The following CCDC85A variants were observed in gnomAD, a reference collection of about 807,000 sequenced individuals.
CCDC85A encodes coiled-coil domain containing 85A.
In CCDC85A, 38 loss-of-function variants were observed where a neutral mutation model predicts 50.2. The ratio of observed to expected loss-of-function variants is 0.76; its 90% CI spans 0.58 to 0.99. The LOEUF (loss-of-function observed/expected upper bound fraction) is 0.99. Among genes scored for constraint, CCDC85A ranks in the 50% least tolerant of loss-of-function variants. The probability of loss-of-function intolerance (pLI) is 0.00; values close to 1 mark genes in which losing one functional copy is unlikely to be tolerated. For synonymous variants in CCDC85A, 366 were observed against 301.4 expected (o/e 1.21, Z -2.22); for missense variants, 820 against 742.0 (o/e 1.11, Z -1.22).
intron 2 of CCDC85A, among the ~76,000 whole-genome samples, chr2:56,317,010 T>C (rs1038584226): frequency 6.6e-5 from 10 of 152,260 alleles, no homozygotes; most frequent in African/African-American, 2.4e-4. Context: ...AAGTGGACTT[T>C]CTATTCAGAC....
intron 2 of CCDC85A, among the ~76,000 whole-genome samples, chr2:56,266,466 A>G (rs1211639134): frequency 6.6e-6 from 1 of 152,088 alleles, no homozygotes; most frequent in Non-Finnish European, 1.5e-5. Context: ...GATAAGTATC[A>G]GAGGTGATTG....
intron 2 of CCDC85A, among the ~76,000 whole-genome samples, chr2:56,335,626 T>C (rs544747958): frequency 1.3e-5 from 2 of 149,326 alleles, no homozygotes; most frequent in Admixed American, 1.3e-4. Context: ...TTTTGAGAAG[T>C]AGTCTTGCCC....
At chr2:56,321,521 A>C (rs1673184377) in intron 2 of CCDC85A, among the ~76,000 whole-genome samples, 1 of 152,212 alleles carries the variant, frequency 6.6e-6, no homozygotes, top group Non-Finnish European at 1.5e-5. Flanking sequence ...GAGCCAAATC[A>C]TGAGGGAACT....
rs1263389543 is a variant in CCDC85A at position 56,184,889 on chromosome 2, C to T, written c.265C>T (p.Arg89Cys). 1 of 1,520,526 alleles carries T rather than the reference C, an allele frequency of 6.6e-7. No homozygotes were observed. Among genetic ancestry groups the T allele is most frequent in the Non-Finnish European group, 8.8e-7 (1 of 1,137,856 alleles). 94.2% of individuals were successfully genotyped at this position (1,520,526 alleles called of 1,614,324 possible). Residue 89 changes from arginine to cysteine, a missense_variant, in exon 1 of 6, where the codon CGC becomes TGC. Physicochemically the swap from Arg to Cys is radical, Grantham distance 180. Transcript: ENST00000407595. ...RRLQLHLGEI[R>C]GLKDINQKLQ... ...CCTGCAGCTGCACCTCGGCGAGATCCGCGGCCTCAAGGTGAGCGCGGGCCA... is the reference window on the plus strand; with the variant it reads ...CCTGCAGCTGCACCTCGGCGAGATCTGCGGCCTCAAGGTGAGCGCGGGCCA...
In CCDC85A at chr2:56,193,263, A is replaced by G. The variant is rs1676384356; in HGVS notation, c.1063A>G (p.Arg355Gly). Reference sequence around the variant, plus strand: ...GAGCCTAGAGCATCTCCCCAGAGCCAGGGGCACCAGCCCGGAGCACCTCAA... The same window carrying G: ...GAGCCTAGAGCATCTCCCCAGAGCCGGGGGCACCAGCCCGGAGCACCTCAA... ...GGSLEHLPRA[R>G]GTSPEHLKQH... Residue 355 changes from arginine to glycine, a missense_variant, in exon 2 of 6, where the codon AGG becomes GGG. Physicochemically the swap from Arg to Gly is moderately radical, Grantham distance 125. Transcript: ENST00000407595. 6.2e-7 allele frequency: 1 copy of G among 1,613,944 alleles called. No homozygotes were observed. Among genetic ancestry groups the G allele is most frequent in the African/African-American group, 1.3e-5 (1 of 75,042 alleles).
intron 5 of CCDC85A, among the ~76,000 whole-genome samples, chr2:56,381,345 A>G (rs1221771330): frequency 6.6e-6 from 1 of 152,066 alleles, no homozygotes; most frequent in Non-Finnish European, 1.5e-5. Context: ...CTTCTCATCT[A>G]TTGACTATGG....
intron 3 of CCDC85A, among the ~76,000 whole-genome samples, chr2:56,353,481 T>G (rs1675060229): frequency 6.6e-6 from 1 of 152,262 alleles, no homozygotes; most frequent in African/African-American, 2.4e-5. Context: ...GCTCTGAACA[T>G]TCTGAGACCA....
intron 2 of CCDC85A, among the ~76,000 whole-genome samples, chr2:56,300,327 A>G (rs756198611): frequency 1.3e-5 from 2 of 152,232 alleles, no homozygotes; most frequent in South Asian, 2.1e-4. Context: ...AAGTAAATGA[A>G]CATGGAAAAT....
chr2:56,363,346 G>A (rs138398537), intron 3 of CCDC85A, among the ~76,000 whole-genome samples: 29 of 152,176 alleles, frequency 1.9e-4, no homozygotes, highest in South Asian at 4.2e-4. Flanking sequence ...GGCTACTCTC[G>A]TTTCTGTAAA....
At chr2:56,232,021 G>T (rs1285361714) in intron 2 of CCDC85A, among the ~76,000 whole-genome samples, 3 of 151,948 alleles carry the variant, frequency 2.0e-5, no homozygotes, top group Non-Finnish European at 1.5e-5. Context: ...TTACTCCTCT[G>T]CTTGACTTCT....
intron 3 of CCDC85A, among the ~76,000 whole-genome samples, chr2:56,369,315 A>G (rs1219592529): frequency 1.3e-5 from 2 of 152,142 alleles, no homozygotes; most frequent in African/African-American, 4.8e-5. Flanking sequence ...TCTTTAAATA[A>G]ATAGATGAGA....
In CCDC85A at chr2:56,372,597, G is replaced by A. The variant is rs1344477683; in HGVS notation, c.1452+119G>A. 4 of 1,168,266 alleles carry A rather than the reference G, an allele frequency of 3.4e-6. No individual in the cohort carries two copies. The East Asian group carries it at 1.2e-4, about 35-fold the overall frequency. The allele number at this position is 1,168,266 out of a possible 1,614,324, so 72.4% of individuals were successfully genotyped here. A position where few individuals can be genotyped will look rare whatever the true frequency, so the allele number is the denominator to read the frequency against. ...AAGTTCATACACATGAAAGAAAGTT[G>A]TATGTCTAAGTCTGGGGAGGGAGGA... On this transcript the variant is annotated intron_variant, in intron 4 of 5. Coordinates refer to ENST00000407595, the MANE Select transcript of CCDC85A (RefSeq NM_001080433.2).
intron 2 of CCDC85A, among the ~76,000 whole-genome samples, chr2:56,294,126 T>C (rs948640945): frequency 1.3e-5 from 2 of 152,218 alleles, no homozygotes; most frequent in Non-Finnish European, 2.9e-5. Context: ...AATGAGATCA[T>C]GTCCATTGCA....
In CCDC85A at chr2:56,343,368, G is replaced by A. The variant is rs139908648; in HGVS notation, c.1317+413G>A. On this transcript the variant is annotated intron_variant, in intron 3 of 5. Coordinates refer to ENST00000407595, the MANE Select transcript of CCDC85A (RefSeq NM_001080433.2). ...AAGCTATAGGTAGTTGGAAGGTTTC[G>A]CATTATAATTAAATTAGTACATTCT... Among the ~76,000 whole-genome samples, 168 of 152,274 alleles carry A rather than the reference G, an allele frequency of 1.1e-3. 2 individuals are homozygous for A. The East Asian group carries it at 0.022, about 20-fold the overall frequency.
At chr2:56,194,293 G>T (rs1676442454) in intron 2 of CCDC85A, among the ~76,000 whole-genome samples, 1 of 152,086 alleles carries the variant, frequency 6.6e-6, no homozygotes, top group Admixed American at 6.6e-5. Flanking sequence ...TTTCGAAGAG[G>T]TTTAATTTTC....
chr2:56,363,141 A>T (rs1558659843), intron 3 of CCDC85A, among the ~76,000 whole-genome samples: 1 of 152,216 alleles, frequency 6.6e-6, no homozygotes, highest in East Asian at 1.9e-4. Flanking sequence ...ACAGATAAAC[A>T]TATTTTTAAA....
chr2:56,292,121 C>T (rs916586452), intron 2 of CCDC85A, among the ~76,000 whole-genome samples: 11 of 150,852 alleles, frequency 7.3e-5, no homozygotes, highest in African/African-American at 1.7e-4. Flanking sequence ...CTTGCTCTGT[C>T]GCCCAGGCTG....
rs773407233 is a variant in CCDC85A, at chr2:56,242,462, A to G, written c.1240+49022A>G. ...GGTGAGAATGGAGCAAGAAAGAGAGAAAGTTGATGGGGGAGATGCTCCACA... is the reference window on the plus strand; with the variant it reads ...GGTGAGAATGGAGCAAGAAAGAGAGGAAGTTGATGGGGGAGATGCTCCACA... On this transcript the variant is annotated intron_variant, in intron 2 of 5. Transcript: ENST00000407595. Among the ~76,000 whole-genome samples, 27 of 152,170 alleles carry G rather than the reference A, an allele frequency of 1.8e-4. No individual in the cohort carries two copies. The Middle Eastern group carries it at 0.014, about 77-fold the overall frequency.
In CCDC85A at chr2:56,244,975, C is replaced by T. The variant is rs1490982377; in HGVS notation, c.1240+51535C>T. 3.3e-5 allele frequency among the ~76,000 whole-genome samples: 5 copies of T among 152,150 alleles called. No individual in the cohort carries two copies. The South Asian group carries it at 6.2e-4, about 19-fold the overall frequency. ...AAAGTCCTGTTTACTCTTCCTTCTC[C>T]TCTCCTCAAGCAGAAGGAAGCGGTC... On this transcript the variant is annotated intron_variant, in intron 2 of 5. Coordinates refer to ENST00000407595, the MANE Select transcript of CCDC85A (RefSeq NM_001080433.2).
Sources: allele counts gnomAD v4.1 joint callset (sites outside exome capture counted in the v4.1 genomes callset), GRCh38; gene constraint gnomAD v4.1.1; transcripts MANE v1.5; gene names NCBI Gene and HGNC (gene_info 2026-07-23, HGNC 2026-07-21).